The following SND1 variants were observed in gnomAD, a reference collection of about 807,000 sequenced individuals.
SND1 encodes the protein staphylococcal nuclease domain-containing protein 1.
Under a neutral mutation model 121.7 loss-of-function variants are expected in SND1, and 38 were observed. The ratio of observed to expected loss-of-function variants is 0.31; its 90% CI spans 0.24 to 0.41. The LOEUF (loss-of-function observed/expected upper bound fraction) is 0.41. Among genes scored for constraint, SND1 ranks in the 10% least tolerant of loss-of-function variants. The pLI, the probability that SND1 is intolerant of heterozygous loss-of-function variation, is 1.00. For synonymous variants in SND1, 401 were observed against 447.4 expected (o/e 0.90, Z 1.31); for missense variants, 868 against 1,184.6 (o/e 0.73, Z 3.92).
intron 8 of SND1, among the ~76,000 whole-genome samples, chr7:127,707,351 T>C (rs1160041528): frequency 1.3e-5 from 2 of 152,244 alleles, no homozygotes; most frequent in African/African-American, 4.8e-5. Context: ...GCCTGGACCA[T>C]AGTCTCCCAG....
chr7:127,855,300 C>T (rs1041605066), intron 12 of SND1, among the ~76,000 whole-genome samples: 3 of 151,802 alleles, frequency 2.0e-5, no homozygotes, highest in South Asian at 4.2e-4. Context: ...TTGAAGAGAC[C>T]GAGGTTTAGC....
At chr7:127,857,589 G>A (rs1036858190) in intron 12 of SND1, among the ~76,000 whole-genome samples, 74 of 151,530 alleles carry the variant, frequency 4.9e-4, no homozygotes, top group African/African-American at 1.7e-3. Flanking sequence ...GGGAGGCCAC[G>A]GGACCCCTGA....
intron 11 of SND1, among the ~76,000 whole-genome samples, chr7:127,824,679 A>T (rs1472283443): frequency 6.6e-6 from 1 of 152,122 alleles, no homozygotes; most frequent in East Asian, 1.9e-4. Flanking sequence ...ATGTTTGCAC[A>T]TATATGAGAC....
intron 15 of SND1, among the ~76,000 whole-genome samples, chr7:127,932,785 C>T (rs1265108478): frequency 1.3e-5 from 2 of 152,182 alleles, no homozygotes; most frequent in African/African-American, 4.8e-5. Flanking sequence ...ACTGAAGGCT[C>T]AGATGATCAT....
chr7:128,029,097 A>T lies in SND1; in HGVS notation c.1779+38041A>T, dbSNP rs749917007. ...CATGACTTCATCCAGGCTGGTCTGCATCTTGTCAGTGGTGTCTGTCGCGGG... is the reference window on the plus strand; with the variant it reads ...CATGACTTCATCCAGGCTGGTCTGCTTCTTGTCAGTGGTGTCTGTCGCGGG... On this transcript the variant is annotated intron_variant, in intron 16 of 23. Transcript: ENST00000354725. The surrounding 1 kb of genome is among the most constrained non-coding windows in gnomAD (Gnocchi z 4.2). 6.2e-7 allele frequency: 1 copy of T among 1,614,140 alleles called. No homozygotes were observed. Among genetic ancestry groups the T allele is most frequent in the Non-Finnish European group, 8.5e-7 (1 of 1,180,028 alleles).
chr7:127,802,160 C>G (rs1798144099), intron 10 of SND1, among the ~76,000 whole-genome samples: 1 of 151,972 alleles, frequency 6.6e-6, no homozygotes, highest in Non-Finnish European at 1.5e-5. Flanking sequence ...ACTTTTTACT[C>G]CCCCCAAAAT....
intron 16 of SND1, among the ~76,000 whole-genome samples, chr7:128,051,411 C>A (rs1793043941): frequency 6.6e-6 from 1 of 152,024 alleles, no homozygotes; most frequent in African/African-American, 2.4e-5. Context: ...TCAGTTACAC[C>A]ATTACAAGAT....
chr7:127,653,791 T>C (rs749784252), intron 1 of SND1, among the ~76,000 whole-genome samples: 4 of 152,264 alleles, frequency 2.6e-5, no homozygotes, highest in Non-Finnish European at 4.4e-5. Context: ...GCCAAGATTC[T>C]TGGGATTTTC....
chr7:128,007,799 T>C (rs373057830), intron 16 of SND1, among the ~76,000 whole-genome samples: 2 of 152,222 alleles, frequency 1.3e-5, no homozygotes, highest in Admixed American at 1.3e-4. Context: ...GAAGTGAGTA[T>C]GACCCATTCA....
At chr7:127,665,225 C>T (rs969853645) in intron 1 of SND1, among the ~76,000 whole-genome samples, 1 of 150,320 alleles carries the variant, frequency 6.7e-6, no homozygotes, top group Non-Finnish European at 1.5e-5. Flanking sequence ...CTCACTCTGT[C>T]GCCCAGGCTG....
chr7:127,692,429 C>T (rs1795937500), intron 2 of SND1: 1 of 152,216 alleles, frequency 6.6e-6, no homozygotes, highest in South Asian at 2.1e-4. Flanking sequence ...CATTCTGGCC[C>T]TTATTTGAAT....
intron 10 of SND1, among the ~76,000 whole-genome samples, chr7:127,749,416 G>T (rs952952598): frequency 6.6e-6 from 1 of 152,172 alleles, no homozygotes; most frequent in Non-Finnish European, 1.5e-5. Context: ...CCTTCTGTGG[G>T]CTGTCATTGA....
At chr7:127,697,445 C>G (rs980780699) in intron 3 of SND1, among the ~76,000 whole-genome samples, 1 of 152,210 alleles carries the variant, frequency 6.6e-6, no homozygotes, top group African/African-American at 2.4e-5. Flanking sequence ...TATGGTCACT[C>G]ACCTTGTTTG....
At chr7:127,712,731 A>T (rs1423573807) in intron 9 of SND1, among the ~76,000 whole-genome samples, 2 of 152,134 alleles carry the variant, frequency 1.3e-5, no homozygotes, top group Admixed American at 6.5e-5. Context: ...GTTCTCTCTC[A>T]TTATCTTCTT....
At chr7:128,007,561 T>C (rs539268766) in intron 16 of SND1, among the ~76,000 whole-genome samples, 2 of 152,368 alleles carry the variant, frequency 1.3e-5, no homozygotes, top group Admixed American at 1.3e-4. Context: ...ATTCCTGCTA[T>C]GCCTGAGTAC....
At chr7:127,860,236 C>A (rs950413743) in intron 12 of SND1, among the ~76,000 whole-genome samples, 2 of 152,146 alleles carry the variant, frequency 1.3e-5, no homozygotes, top group Non-Finnish European at 2.9e-5. Context: ...TTCTCAGGTT[C>A]TTGGTAGAGG....
In SND1 at chr7:127,705,994, A is replaced by G. The variant is rs73234884; in HGVS notation, c.947+1049A>G. 1.9e-3 allele frequency among the ~76,000 whole-genome samples: 294 copies of G among 152,278 alleles called. 1 individual carries two copies. The highest frequency in any genetic ancestry group is 3.2e-3 in the Non-Finnish European group (219 of 68,022). On this transcript the variant is annotated intron_variant, in intron 8 of 23. Coordinates refer to ENST00000354725, the MANE Select transcript of SND1 (RefSeq NM_014390.4). ...CAGGTTTTTATAAAAGTAGATATTA[A>G]TCTAGGCCATTTGATGTGGCACATC...
chr7:127,869,763 A>G (rs1799544778), intron 12 of SND1, among the ~76,000 whole-genome samples: 1 of 152,188 alleles, frequency 6.6e-6, no homozygotes, highest in South Asian at 2.1e-4. Context: ...CAATGAAGGT[A>G]GAAAATTATT....
At chr7:127,922,124 A>G (rs2116802565) in intron 14 of SND1, among the ~76,000 whole-genome samples, 1 of 147,854 alleles carries the variant, frequency 6.8e-6, no homozygotes, top group East Asian at 2.0e-4. Flanking sequence ...CTGAGTAGAT[A>G]AGACTACAGG....
Sources: gnomAD v4.1 joint callset for allele counts (sites outside exome capture counted in the v4.1 genomes callset) on GRCh38, gnomAD v4.1.1 for gene constraint, Gnocchi (gnomAD v3.1) non-coding constraint, MANE v1.5 for transcripts, NCBI Gene and HGNC (gene_info 2026-07-23, HGNC 2026-07-21) for gene names.